The following CAPZB variants were observed in gnomAD, a reference collection of about 807,000 sequenced individuals.
The protein encoded by CAPZB is F-actin-capping protein subunit beta.
Under a neutral mutation model 38.1 loss-of-function variants are expected in CAPZB, and 2 were observed. That is an observed-to-expected ratio of 0.05 (90% CI 0.02 to 0.17). The LOEUF (loss-of-function observed/expected upper bound fraction) is 0.17. Ranked by LOEUF, CAPZB falls within the 10% of genes least tolerant of loss-of-function variation. CAPZB has a pLI of 1.00. For synonymous variants in CAPZB, 107 were observed against 127.4 expected (o/e 0.84, Z 1.08); for missense variants, 161 against 334.2 (o/e 0.48, Z 4.04).
intron 6 of CAPZB, among the ~76,000 whole-genome samples, chr1:19,350,307 T>C (rs1321202058): frequency 6.6e-6 from 1 of 152,278 alleles, no homozygotes; most frequent in East Asian, 1.9e-4. Context: ...TGTCTTTGCC[T>C]TCACCTCGCA....
chr1:19,347,014 T>A (rs12754599), intron 6 of CAPZB, among the ~76,000 whole-genome samples: 6 of 151,404 alleles, frequency 4.0e-5, no homozygotes, highest in Non-Finnish European at 7.4e-5. Context: ...TTTTATTTTT[T>A]ATTTTTAGTA....
intron 1 of CAPZB, among the ~76,000 whole-genome samples, chr1:19,440,831 A>C (rs979712352): frequency 6.6e-6 from 1 of 152,100 alleles, no homozygotes; most frequent in Non-Finnish European, 1.5e-5. Flanking sequence ...GAGGCCGAGG[A>C]GGGCAGATCA....
At chr1:19,371,976 G>C (rs1238694852) in intron 4 of CAPZB, among the ~76,000 whole-genome samples, 1 of 152,258 alleles carries the variant, frequency 6.6e-6, no homozygotes, top group East Asian at 1.9e-4. Flanking sequence ...CCCAGGCCGG[G>C]GGGTGGGGCC....
intron 1 of CAPZB, among the ~76,000 whole-genome samples, chr1:19,428,994 T>A (rs570278165): frequency 8.4e-4 from 128 of 152,278 alleles, no homozygotes; most frequent in African/African-American, 2.9e-3. Flanking sequence ...ATCAACTTTT[T>A]AAAAAAATTC....
intron 1 of CAPZB, among the ~76,000 whole-genome samples, chr1:19,433,021 T>C (rs2094447387): frequency 6.6e-6 from 1 of 152,194 alleles, no homozygotes; most frequent in Non-Finnish European, 1.5e-5. Flanking sequence ...AGAAAGCCTC[T>C]CCCACACAGT....
At chr1:19,479,661 C>G (rs1380109741) in intron 1 of CAPZB, among the ~76,000 whole-genome samples, 1 of 152,180 alleles carries the variant, frequency 6.6e-6, no homozygotes, top group East Asian at 1.9e-4. Flanking sequence ...AGCTCACAAG[C>G]TGATGCTTGT....
intron 6 of CAPZB, among the ~76,000 whole-genome samples, chr1:19,352,080 G>T (rs115130885): frequency 0.017 from 2,552 of 152,334 alleles, 83 homozygotes; most frequent in African/African-American, 0.058. Flanking sequence ...GGCCTCCCCA[G>T]CGAGCGTGCA....
rs1558168316 is a variant in CAPZB at position 19,344,335 on chromosome 1, GCTTGTGCTTT to G, written c.731+13_731+22del. Reference sequence around the variant, plus strand: ...TCAAATCCCTCTGTCTGCTTCTAAAGCTTGTGCTTTCTGGTACATTACCTCAGCCCATTGA... The same window carrying G: ...TCAAATCCCTCTGTCTGCTTCTAAAGCTGGTACATTACCTCAGCCCATTGA... On this transcript the variant is annotated intron_variant, in intron 8 of 8. Coordinates refer to ENST00000264202, the MANE Select transcript of CAPZB (RefSeq NM_004930.5). The G allele has an allele frequency of 3.1e-6, 5 of 1,592,844 alleles. No individual in the cohort carries two copies. Among genetic ancestry groups the G allele is most frequent in the Non-Finnish European group, 4.3e-6 (5 of 1,160,628 alleles).
chr1:19,424,101 TG>T (rs1246067306), intron 1 of CAPZB, among the ~76,000 whole-genome samples: 3 of 152,192 alleles, frequency 2.0e-5, no homozygotes, highest in Non-Finnish European at 4.4e-5. Flanking sequence ...CGTGAGCCAC[TG>T]CACCTGGCCA....
At chr1:19,442,868 T>C (rs1268352777) in intron 1 of CAPZB, among the ~76,000 whole-genome samples, 1 of 152,122 alleles carries the variant, frequency 6.6e-6, no homozygotes, top group African/African-American at 2.4e-5. Flanking sequence ...GGCTGCCTAC[T>C]CCACGTTACA....
At chr1:19,448,856 C>A (rs1481630429) in intron 1 of CAPZB, 2 of 1,612,934 alleles carry the variant, frequency 1.2e-6, no homozygotes, top group Middle Eastern at 1.6e-4. Context: ...TGGGTCACAT[C>A]TTCTGGGCTG....
At chr1:19,452,404 C>T (rs963123543) in intron 1 of CAPZB, among the ~76,000 whole-genome samples, 2 of 152,188 alleles carry the variant, frequency 1.3e-5, no homozygotes, top group Non-Finnish European at 2.9e-5. Flanking sequence ...TGCCCGAGTC[C>T]GGCACAGTGG....
intron 2 of CAPZB, among the ~76,000 whole-genome samples, chr1:19,389,593 A>G (rs2094221927): frequency 6.6e-6 from 1 of 151,974 alleles, no homozygotes; most frequent in African/African-American, 2.4e-5. Context: ...ACGCCCAGCT[A>G]ATTTTTCTAT....
chr1:19,352,824 A>G (rs1373073754), intron 6 of CAPZB, among the ~76,000 whole-genome samples: 1 of 152,214 alleles, frequency 6.6e-6, no homozygotes, highest in East Asian at 1.9e-4. Flanking sequence ...AAAATGATGG[A>G]GGCAGGGCTA....
intron 2 of CAPZB, among the ~76,000 whole-genome samples, chr1:19,386,609 T>C (rs1195772124): frequency 6.6e-6 from 1 of 152,172 alleles, no homozygotes; most frequent in Non-Finnish European, 1.5e-5. Context: ...ACAGCGACAG[T>C]GGTTCCTGTG....
chr1:19,468,452 A>G (rs572712715), intron 1 of CAPZB, among the ~76,000 whole-genome samples: 3 of 152,264 alleles, frequency 2.0e-5, no homozygotes, highest in African/African-American at 7.2e-5. Flanking sequence ...GGGGTCCCCA[A>G]GGCCTGGAAC....
chr1:19,400,223 G>A (rs2094295766), intron 2 of CAPZB, among the ~76,000 whole-genome samples: 1 of 151,986 alleles, frequency 6.6e-6, no homozygotes, highest in South Asian at 2.1e-4. Flanking sequence ...CATGGCACAG[G>A]TCTTCGTCAA....
intron 4 of CAPZB, among the ~76,000 whole-genome samples, chr1:19,368,465 T>G (rs1453584424): frequency 1.5e-5 from 2 of 133,094 alleles, no homozygotes. Context: ...GGCAACAGAG[T>G]GAGAGCCCCC....
rs565208739 is a variant in CAPZB, at chr1:19,398,856, G to A, written c.94-13230C>T. 8.1e-5 allele frequency among the ~76,000 whole-genome samples: 12 copies of A among 148,868 alleles called. No homozygotes were observed. In the South Asian group the frequency reaches 1.5e-3, roughly 19 times the overall value. The stretch of plus-strand genomic sequence containing the variant: ...TCAAAGGCAGACAGCGTGGGATGCC[G>A]AATGCTGATAGCTGCACAACTCTTT... On this transcript the variant is annotated intron_variant, in intron 2 of 8. Transcript: ENST00000264202.
Sources: gnomAD v4.1 joint callset for allele counts (sites outside exome capture counted in the v4.1 genomes callset) on GRCh38, gnomAD v4.1.1 for gene constraint, MANE v1.5 for transcripts, NCBI Gene and HGNC (gene_info 2026-07-23, HGNC 2026-07-21) for gene names.